Variants in LUZP2 observed in about 807,000 individuals in gnomAD.
LUZP2 encodes leucine zipper protein 2.
Under a neutral mutation model 51.6 loss-of-function variants are expected in LUZP2, and 52 were observed. The ratio of observed to expected loss-of-function variants is 1.01; its 90% CI spans 0.81 to 1.27. LUZP2 has a LOEUF of 1.27. LUZP2 is among the 50% of genes most tolerant of loss of function. The pLI is 0.00. For missense variants in LUZP2, 436 were observed against 395.4 expected (o/e 1.10, Z -0.87); for synonymous variants, 154 against 137.3 (o/e 1.12, Z -0.85).
intron 10 of LUZP2, among the ~76,000 whole-genome samples, chr11:25,052,189 T>C (rs575595524): frequency 6.6e-6 from 1 of 152,318 alleles, no homozygotes; most frequent in South Asian, 2.1e-4. Flanking sequence ...GCCTGCAGAT[T>C]CAATTATAGA....
intron 9 of LUZP2, among the ~76,000 whole-genome samples, chr11:25,047,960 A>G (rs1394054143): frequency 1.6e-5 from 2 of 124,932 alleles, no homozygotes; most frequent in Non-Finnish European, 3.4e-5. Context: ...CTAGGATTAT[A>G]GGTGTAAACT....
chr11:24,624,591 A>G (rs931067829), intron 1 of LUZP2, among the ~76,000 whole-genome samples: 1 of 152,166 alleles, frequency 6.6e-6, no homozygotes, highest in African/African-American at 2.4e-5. Context: ...AGCTCTTGGT[A>G]ATGGCGAGAG....
chr11:24,790,957 C>T (rs1849389128), intron 5 of LUZP2, among the ~76,000 whole-genome samples: 1 of 152,102 alleles, frequency 6.6e-6, no homozygotes, highest in African/African-American at 2.4e-5. Flanking sequence ...GTGTCATTGA[C>T]CAATGTATAC....
intron 1 of LUZP2, among the ~76,000 whole-genome samples, chr11:24,655,473 T>A (rs1323383323): frequency 6.6e-6 from 1 of 152,138 alleles, no homozygotes; most frequent in Non-Finnish European, 1.5e-5. Context: ...GCATGGTGAT[T>A]TTGAACATTC....
Position 24,926,649 on chromosome 11 carries a change from A to G in LUZP2, c.522+12111A>G, listed in dbSNP as rs749148144. Reference sequence around the variant, plus strand: ...TGTGTGTATATATGTATATATATATATGTGTGTGTATATATATATGTGTGT... The same window carrying G: ...TGTGTGTATATATGTATATATATATGTGTGTGTGTATATATATATGTGTGT... On this transcript the variant is annotated intron_variant, in intron 7 of 11. Coordinates refer to ENST00000336930, the MANE Select transcript of LUZP2 (RefSeq NM_001009909.4). Among the ~76,000 whole-genome samples the G allele has an allele frequency of 2.4e-3, 299 of 123,684 alleles. 2 individuals carry two copies. The highest frequency in any genetic ancestry group is 7.5e-3 in the African/African-American group (259 of 34,382). 81.1% of individuals were successfully genotyped at this position (123,684 alleles called of 152,430 possible).
chr11:24,967,949 T>C (rs1855635253), intron 7 of LUZP2, among the ~76,000 whole-genome samples: 1 of 152,190 alleles, frequency 6.6e-6, no homozygotes, highest in South Asian at 2.1e-4. Flanking sequence ...TTGTGGTTGA[T>C]ATATTACAGA....
At chr11:24,756,620 T>A (rs996879566) in intron 4 of LUZP2, among the ~76,000 whole-genome samples, 1 of 152,158 alleles carries the variant, frequency 6.6e-6, no homozygotes, top group Non-Finnish European at 1.5e-5. Flanking sequence ...TTGACACAAA[T>A]TGTTTTGGGA....
chr11:24,774,395 C>CAT (rs1848850960), intron 5 of LUZP2, among the ~76,000 whole-genome samples: 2 of 103,166 alleles, frequency 1.9e-5, no homozygotes, highest in African/African-American at 8.4e-5. Flanking sequence ...TACACACACA[C>CAT]ATATTTATAA....
chr11:24,649,929 T>G (rs1306604794), intron 1 of LUZP2, among the ~76,000 whole-genome samples: 1 of 151,342 alleles, frequency 6.6e-6, no homozygotes, highest in Non-Finnish European at 1.5e-5. Context: ...TAAAGTCACC[T>G]CTAAGCTTTA....
At chr11:24,535,898 T>C (rs1002296617) in intron 1 of LUZP2, among the ~76,000 whole-genome samples, 6 of 151,724 alleles carry the variant, frequency 4.0e-5, no homozygotes, top group Non-Finnish European at 5.9e-5. Context: ...TATAGTCTTA[T>C]AAAATGTTTT....
At chr11:24,705,050 G>A (rs192590953) in intron 1 of LUZP2, among the ~76,000 whole-genome samples, 3 of 151,962 alleles carry the variant, frequency 2.0e-5, no homozygotes, top group Admixed American at 1.3e-4. Flanking sequence ...AAAGCTCTCA[G>A]TATACATCCA....
chr11:24,756,009 T>C (rs986026851), intron 4 of LUZP2, among the ~76,000 whole-genome samples: 1 of 152,166 alleles, frequency 6.6e-6, no homozygotes, highest in Admixed American at 6.6e-5. Flanking sequence ...CTATTCTCTG[T>C]AGAGTCAGCT....
chr11:24,726,734 G>T (rs1044007703), intron 1 of LUZP2, among the ~76,000 whole-genome samples: 2 of 151,992 alleles, frequency 1.3e-5, no homozygotes, highest in East Asian at 3.9e-4. Flanking sequence ...GTAATATATA[G>T]ACATGGAAAG....
intron 5 of LUZP2, among the ~76,000 whole-genome samples, chr11:24,831,010 T>G (rs1331252327): frequency 6.6e-6 from 1 of 151,396 alleles, no homozygotes; most frequent in East Asian, 1.9e-4. Flanking sequence ...AAAAATAAAA[T>G]AAATTAAAAT....
rs149510645 is a variant in LUZP2, at chr11:24,513,049, C to G, written c.62+15744C>G. The stretch of plus-strand genomic sequence containing the variant: ...TTGGGATCACAGGCGTGAGCCACCG[C>G]GCCCAGCAAATGATTTTTTTCTATA... On this transcript the variant is annotated intron_variant, in intron 1 of 11. Coordinates refer to ENST00000336930, the MANE Select transcript of LUZP2 (RefSeq NM_001009909.4). 6.4e-3 allele frequency among the ~76,000 whole-genome samples: 972 copies of G among 151,756 alleles called. 6 individuals carry two copies. Among genetic ancestry groups the G allele is most frequent in the African/African-American group, 0.021 (847 of 41,122 alleles).
chr11:24,947,935 A>G (rs1422903103), intron 7 of LUZP2, among the ~76,000 whole-genome samples: 2 of 151,842 alleles, frequency 1.3e-5, no homozygotes, highest in African/African-American at 4.8e-5. Flanking sequence ...ATGTCTGAGC[A>G]TCAATTCTTT....
At chr11:25,044,251 GTGTGTGTATATATATATATATATA>G (rs1858213501) in intron 9 of LUZP2, among the ~76,000 whole-genome samples, 5 of 117,642 alleles carry the variant, frequency 4.3e-5, no homozygotes, top group Admixed American at 2.6e-4. Flanking sequence ...GTGTGTGTGT[GTGTGTGTATATATATATATATATA>G]TATATATATA....
chr11:24,645,922 A>T (rs1325598979), intron 1 of LUZP2, among the ~76,000 whole-genome samples: 1 of 151,958 alleles, frequency 6.6e-6, no homozygotes, highest in Non-Finnish European at 1.5e-5. Flanking sequence ...ATCCTTGTGG[A>T]ATCAAATAGG....
At chr11:25,043,078 G>A (rs914890958) in intron 9 of LUZP2, among the ~76,000 whole-genome samples, 5 of 152,224 alleles carry the variant, frequency 3.3e-5, no homozygotes, top group South Asian at 2.1e-4. Context: ...CTGCAAGCTC[G>A]GAGGAGAGTC....
Sources: allele counts gnomAD v4.1 joint callset (sites outside exome capture counted in the v4.1 genomes callset), GRCh38; gene constraint gnomAD v4.1.1; transcripts MANE v1.5; gene names NCBI Gene and HGNC (gene_info 2026-07-23, HGNC 2026-07-21).